The following PLA2G2A variants were observed in gnomAD, a reference collection of about 807,000 sequenced individuals.
PLA2G2A encodes phospholipase A2, membrane associated.
Under a neutral mutation model 11.2 loss-of-function variants are expected in PLA2G2A, and 6 were observed. The ratio of observed to expected loss-of-function variants is 0.54; its 90% CI spans 0.29 to 1.06. The LOEUF is 1.06. Ranked by LOEUF, PLA2G2A falls within the 50% of genes least tolerant of loss-of-function variation. The pLI is 0.08. For synonymous variants in PLA2G2A, 69 were observed against 65.8 expected, an observed-to-expected ratio of 1.05 and a Z score of -0.23; for missense variants, 133 against 177.1, an observed-to-expected ratio of 0.75 and a Z score of 1.41.
At chr1:19,975,625 T>C, downstream of PLA2G2A, 1 of 1,395,696 alleles carries the variant, frequency 7.2e-7, no homozygotes, top group Non-Finnish European at 1.0e-6. Context: ...GCCAAGGAAC[T>C]TGGTTAGGGT....
intron 1 of PLA2G2A, chr1:19,979,173 G>C: frequency 7.2e-6 from 2 of 278,412 alleles, no homozygotes; most frequent in Middle Eastern, 1.3e-3. Context: ...AGGTTCCTGA[G>C]GTCAGAGGAT....
intron 1 of PLA2G2A, 116 bp from the exon 2 acceptor site, chr1:19,978,995 ACACAC>A (rs772124240): frequency 1.2e-4 from 75 of 619,218 alleles, no homozygotes; most frequent in African/African-American, 7.3e-4. Context: ...ACACACACAC[ACACAC>A]AACCACCTCC....
chr1:19,977,156 A>AC, intron 4 of PLA2G2A, among the ~76,000 whole-genome samples: 1 of 151,902 alleles, frequency 6.6e-6, no homozygotes, highest in South Asian at 2.1e-4. Flanking sequence ...TGCCTGCTGG[A>AC]CCCCTCCCTG....
upstream of PLA2G2A, among the ~76,000 whole-genome samples, chr1:19,980,049 G>A (rs2100422370): frequency 6.6e-6 from 1 of 152,270 alleles, no homozygotes; most frequent in East Asian, 1.9e-4. Flanking sequence ...ATAGAAAAGA[G>A]GGCTTTTAGT....
intron 1 of PLA2G2A, 89 bp from the exon 2 acceptor site, chr1:19,978,968 G>C (rs1294953856): frequency 3.8e-5 from 19 of 502,322 alleles, no homozygotes; most frequent in Non-Finnish European, 4.8e-5. Flanking sequence ...GTGCCCTCCA[G>C]CAATGCACAC....
rs552082565 is a variant in PLA2G2A at position 19,977,953 on chromosome 1, G to A, written c.292+62C>T. On this transcript the variant is annotated intron_variant, in intron 4 of 4. Coordinates refer to ENST00000482011, the Ensembl canonical transcript of PLA2G2A. ...CCTCTGTGTCTATCTTTGGTGCCCA[G>A]CACAGTCCCCAGCACTGTCTAAACA... 14 of 981,632 alleles carry A rather than the reference G, an allele frequency of 1.4e-5. No homozygotes were observed. In the African/African-American group the frequency reaches 2.2e-4, roughly 16 times the overall value. 60.8% of individuals were successfully genotyped at this position (981,632 alleles called of 1,614,324 possible). A position where few individuals can be genotyped will look rare whatever the true frequency, so the allele number is the denominator to read the frequency against.
intron 4 of PLA2G2A, among the ~76,000 whole-genome samples, chr1:19,977,278 CA>C (rs2046233511): frequency 6.6e-6 from 1 of 152,186 alleles, no homozygotes; most frequent in African/African-American, 2.4e-5. Flanking sequence ...CATGCAGCCA[CA>C]TATCCATCCA....
rs749082503 is a variant in PLA2G2A, at chr1:19,978,723, T to C, written c.40+11A>G. 1 of 1,613,940 alleles carries C rather than the reference T, an allele frequency of 6.2e-7. No homozygotes were observed. The highest frequency in any genetic ancestry group is 1.7e-5 in the Admixed American group (1 of 60,014). ...GTCCCCCCATGCTCAGAGGTCAGGG[T>C]CAGCTCTTACCAAAGATCATGATCA... On this transcript the variant is annotated intron_variant, in intron 2 of 4. Coordinates refer to ENST00000482011, the Ensembl canonical transcript of PLA2G2A.
chr1:19,975,820 G>C, exon 5 of PLA2G2A: 3 of 1,613,998 alleles, frequency 1.9e-6, no homozygotes, highest in Non-Finnish European at 2.5e-6. Flanking sequence ...TCACACAGTT[G>C]ACTTCTGCAG....
At chr1:19,975,909 C>A in intron 4 of PLA2G2A, 66 bp from the exon 5 acceptor site, 1 of 1,422,582 alleles carries the variant, frequency 7.0e-7, no homozygotes, top group Non-Finnish European at 9.8e-7. Flanking sequence ...CTTGTGGGAA[C>A]CCTGGGGTAG....
At chr1:19,978,907 C>G in intron 1 of PLA2G2A, 28 bp from the exon 2 acceptor site, 1 of 799,474 alleles carries the variant, frequency 1.3e-6, no homozygotes, top group South Asian at 1.4e-5. Context: ...GCTCTCCCAT[C>G]CAACCTAAGT....
intron 1 of PLA2G2A, 183 bp from the exon 2 acceptor site, chr1:19,979,062 C>G (rs2046266933): frequency 5.8e-6 from 3 of 520,282 alleles, no homozygotes; most frequent in Non-Finnish European, 1.0e-5. Flanking sequence ...GGCCCTCAGA[C>G]CTGTGGAGAA....
intron 3 of PLA2G2A, 28 bp downstream of exon 3, chr1:19,978,352 G>T: frequency 6.2e-7 from 1 of 1,608,906 alleles, no homozygotes; most frequent in Non-Finnish European, 8.5e-7. Flanking sequence ...CAGAGTCTAG[G>T]AGGGTAGGGA....
At chr1:19,978,856 C>T in exon 2 of PLA2G2A, 6 of 1,269,552 alleles carry the variant, frequency 4.7e-6, no homozygotes, top group Non-Finnish European at 6.9e-6. Context: ...CCGGCCGTCG[C>T]TCCCCTGCTC....
chr1:19,978,276 C>T (rs1309398984), intron 3 of PLA2G2A, 104 bp downstream of exon 3: 3 of 1,454,084 alleles, frequency 2.1e-6, no homozygotes, highest in African/African-American at 2.8e-5. Flanking sequence ...CCAGCCAGGC[C>T]ATCCTGAGAC....
intron 4 of PLA2G2A, 130 bp downstream of exon 4, chr1:19,977,885 G>A (rs1049820631): frequency 2.2e-5 from 16 of 724,286 alleles, no homozygotes; most frequent in Non-Finnish European, 4.1e-5. Context: ...CACTTTCCTG[G>A]CTTCCCACTC....
chr1:19,976,750 C>G (rs1254541671), intron 4 of PLA2G2A, among the ~76,000 whole-genome samples: 1 of 152,144 alleles, frequency 6.6e-6, no homozygotes, highest in Admixed American at 6.5e-5. Context: ...CCTTCAGGGC[C>G]AAACTTTCTC....
At chr1:19,977,665 G>A (rs1034917658) in intron 4 of PLA2G2A, among the ~76,000 whole-genome samples, 1 of 152,208 alleles carries the variant, frequency 6.6e-6, no homozygotes, top group Non-Finnish European at 1.5e-5. Context: ...CTGCTGGGCA[G>A]TACAGAATGG....
intron 4 of PLA2G2A, 145 bp downstream of exon 4, chr1:19,977,870 A>G: frequency 1.4e-6 from 1 of 703,350 alleles, no homozygotes; most frequent in African/African-American, 1.8e-5. Context: ...ACTACATTGG[A>G]TTTTCACTTT....
Sources: gnomAD v4.1 joint callset for allele counts (sites outside exome capture counted in the v4.1 genomes callset) on GRCh38, gnomAD v4.1.1 for gene constraint, MANE v1.5 for transcripts, NCBI Gene and HGNC (gene_info 2026-07-23, HGNC 2026-07-21) for gene names.